The following RBFOX1 variants were observed in gnomAD, a reference collection of about 807,000 sequenced individuals.
RBFOX1 encodes RNA binding protein fox-1 homolog 1.
RBFOX1 carries 8 observed loss-of-function variants against 57.7 expected under a neutral mutation model. The observed-to-expected ratio is 0.14, with a 90% CI of 0.08 to 0.25. The LOEUF is 0.25. Ranked by LOEUF, RBFOX1 falls within the 10% of genes least tolerant of loss-of-function variation. The pLI is 1.00. For synonymous variants in RBFOX1, 326 were observed against 222.4 expected (o/e 1.47, Z -4.15); for missense variants, 611 against 548.5 (o/e 1.11, Z -1.14).
At chr16:6,992,631 G>C (rs1054655137) in intron 3 of RBFOX1, among the ~76,000 whole-genome samples, 10 of 152,004 alleles carry the variant, frequency 6.6e-5, no homozygotes, top group Non-Finnish European at 1.5e-4. Flanking sequence ...TAGGTAAGAA[G>C]GCAGTTAAGG....
chr16:7,334,624 G>C (rs1009602871), intron 4 of RBFOX1, among the ~76,000 whole-genome samples: 2 of 152,174 alleles, frequency 1.3e-5, no homozygotes, highest in Non-Finnish European at 2.9e-5. Flanking sequence ...TGAAATGGGT[G>C]AATGTAATCA....
At chr16:7,004,501 T>C (rs1359826876) in intron 3 of RBFOX1, among the ~76,000 whole-genome samples, 1 of 152,178 alleles carries the variant, frequency 6.6e-6, no homozygotes, top group Non-Finnish European at 1.5e-5. Flanking sequence ...GATCAGTAAG[T>C]TGGTATGCCA....
At chr16:6,940,763 AGTGTGTGT>A (rs61349150) in intron 3 of RBFOX1, among the ~76,000 whole-genome samples, 13,208 of 114,228 alleles carry the variant, frequency 0.12, 880 homozygotes, top group African/African-American at 0.21. Flanking sequence ...ATGTCCCGCT[AGTGTGTGT>A]GTGTGTGTGT....
chr16:6,212,969 C>G (rs1030989826), intron 1 of RBFOX1, among the ~76,000 whole-genome samples: 5 of 152,102 alleles, frequency 3.3e-5, no homozygotes, highest in African/African-American at 1.2e-4. Context: ...GGCCTTTTCC[C>G]TTAATAAGTG....
chr16:5,939,137 A>G (rs746196498), intron 4 of RBFOX1, among the ~76,000 whole-genome samples: 7 of 152,220 alleles, frequency 4.6e-5, no homozygotes, highest in Non-Finnish European at 8.8e-5. Flanking sequence ...GATATACCTC[A>G]TGTAAATGAT....
At chr16:7,290,257 GA>G (rs1017685120) in intron 4 of RBFOX1, among the ~76,000 whole-genome samples, 27 of 152,332 alleles carry the variant, frequency 1.8e-4, no homozygotes, top group African/African-American at 5.3e-4. Flanking sequence ...ACCAATATTT[GA>G]AATTGGGAGT....
chr16:6,838,086 G>A (rs539439044), intron 3 of RBFOX1, among the ~76,000 whole-genome samples: 10 of 151,614 alleles, frequency 6.6e-5, no homozygotes, highest in Admixed American at 3.9e-4. Context: ...AGGTATACAT[G>A]TGTTGTGGTG....
chr16:5,464,038 A>G (rs1367484514), intron 1 of RBFOX1, among the ~76,000 whole-genome samples: 1 of 152,142 alleles, frequency 6.6e-6, no homozygotes, highest in Non-Finnish European at 1.5e-5. Flanking sequence ...CCCGTGATGG[A>G]CCAGCAGGAG....
intron 4 of RBFOX1, among the ~76,000 whole-genome samples, chr16:7,404,849 T>G (rs1307489670): frequency 6.6e-6 from 1 of 152,086 alleles, no homozygotes; most frequent in African/African-American, 2.4e-5. Flanking sequence ...TCCTGGAATG[T>G]GTTATGAATT....
intron 3 of RBFOX1, among the ~76,000 whole-genome samples, chr16:6,875,986 G>A (rs75286932): frequency 2.0e-5 from 3 of 151,682 alleles, no homozygotes; most frequent in African/African-American, 7.3e-5. Flanking sequence ...CAACACAGTG[G>A]AACTTGTCTC....
rs1555582552 is a variant in RBFOX1, at chr16:6,256,255, A to ATATG, written c.-126-60739_-126-60738insATGT. On this transcript the variant is annotated intron_variant, in intron 1 of 15. Transcript: ENST00000550418. ...TATGTGTATATATATATGTATATATATGTGTATATATATATGTATATATAT... is the reference window on the plus strand; with the variant it reads ...TATGTGTATATATATATGTATATATATATGTGTGTATATATATATGTATATATAT... Among the ~76,000 whole-genome samples, 396 of 110,336 alleles carry ATATG rather than the reference A, an allele frequency of 3.6e-3. 9 individuals are homozygous for ATATG. Among genetic ancestry groups the ATATG allele is most frequent in the East Asian group, 0.033 (134 of 4,036 alleles). The allele number at this position is 110,336 out of a possible 152,430, so 72.4% of individuals were successfully genotyped here. A position where few individuals can be genotyped will look rare whatever the true frequency, so the allele number is the denominator to read the frequency against.
intron 4 of RBFOX1, among the ~76,000 whole-genome samples, chr16:7,109,653 G>C (rs1160351567): frequency 6.6e-6 from 1 of 152,138 alleles, no homozygotes; most frequent in African/African-American, 2.4e-5. Flanking sequence ...ATCCATATAG[G>C]CGCAGATAGT....
chr16:5,374,758 C>G (rs1203170398), intron 1 of RBFOX1, among the ~76,000 whole-genome samples: 1 of 149,236 alleles, frequency 6.7e-6, no homozygotes, highest in East Asian at 2.0e-4. Flanking sequence ...CAAAAGAAGA[C>G]GACTATTTCA....
intron 4 of RBFOX1, among the ~76,000 whole-genome samples, chr16:7,446,236 C>A (rs149903991): frequency 7.2e-5 from 11 of 152,294 alleles, no homozygotes; most frequent in African/African-American, 2.6e-4. Context: ...TCCCCAGACC[C>A]ATGCGAATTG....
chr16:5,427,254 A>G (rs1439301094), intron 1 of RBFOX1, among the ~76,000 whole-genome samples: 1 of 152,186 alleles, frequency 6.6e-6, no homozygotes, highest in East Asian at 1.9e-4. Context: ...TATTTTAAGG[A>G]ATTGGCTCAT....
At chr16:7,382,873 A>C (rs1323373714) in intron 4 of RBFOX1, among the ~76,000 whole-genome samples, 1 of 152,254 alleles carries the variant, frequency 6.6e-6, no homozygotes, top group Non-Finnish European at 1.5e-5. Flanking sequence ...AATTAAATTG[A>C]GGAGCTGTAA....
intron 3 of RBFOX1, among the ~76,000 whole-genome samples, chr16:5,691,301 A>G (rs909605288): frequency 6.6e-6 from 1 of 152,204 alleles, no homozygotes; most frequent in African/African-American, 2.4e-5. Context: ...TATGCGGTAC[A>G]TAAGACCCTG....
At chr16:5,880,844 A>G (rs146458816) in intron 4 of RBFOX1, among the ~76,000 whole-genome samples, 38 of 152,372 alleles carry the variant, frequency 2.5e-4, no homozygotes, top group African/African-American at 8.9e-4. Context: ...TAAATAAATT[A>G]AAACATGATT....
intron 2 of RBFOX1, among the ~76,000 whole-genome samples, chr16:5,541,042 G>A (rs1010841295): frequency 5.3e-5 from 8 of 151,978 alleles, no homozygotes; most frequent in African/African-American, 1.7e-4. Context: ...TAGAGATGGG[G>A]TTTCACCATG....
Sources: gnomAD v4.1 joint callset for allele counts (sites outside exome capture counted in the v4.1 genomes callset) on GRCh38, gnomAD v4.1.1 for gene constraint, MANE v1.5 for transcripts, NCBI Gene and HGNC (gene_info 2026-07-23, HGNC 2026-07-21) for gene names.